The following NAV1 variants were observed in gnomAD, a reference collection of about 807,000 sequenced individuals.
The protein encoded by NAV1 is neuron navigator 1.
A neutral mutation model predicts 175.2 loss-of-function variants in NAV1; 18 were observed. The observed-to-expected ratio is 0.10, with a 90% CI of 0.07 to 0.15. The LOEUF is 0.15. Ranked by LOEUF, NAV1 falls within the 10% of genes least tolerant of loss-of-function variation. The probability of loss-of-function intolerance (pLI) is 1.00; values close to 1 mark genes in which losing one functional copy is unlikely to be tolerated. For missense variants in NAV1, 1,731 were observed against 2,436.6 expected (o/e 0.71, Z 6.10); for synonymous variants, 897 against 978.7 (o/e 0.92, Z 1.56).
exon 8 of NAV1, chr1:201,785,325 G>C (rs1459276446): frequency 6.2e-7 from 1 of 1,606,566 alleles, no homozygotes; most frequent in South Asian, 1.1e-5. Flanking sequence ...AGCGGGATCG[G>C]AACACTCTTC....
intron 1 of NAV1, among the ~76,000 whole-genome samples, chr1:201,678,931 C>T (rs1670363192): frequency 6.6e-6 from 1 of 152,148 alleles, no homozygotes; most frequent in Non-Finnish European, 1.5e-5. Context: ...CCTCCATCTG[C>T]TTCCAGCTGG....
At chr1:201,800,923 G>A (rs945994073) in intron 15 of NAV1, among the ~76,000 whole-genome samples, 2 of 148,338 alleles carry the variant, frequency 1.3e-5, no homozygotes, top group Non-Finnish European at 3.0e-5. Context: ...CCACCTCCTG[G>A]GTTCAAGCGA....
At chr1:201,747,397 G>C (rs1673839087) in intron 3 of NAV1, among the ~76,000 whole-genome samples, 1 of 152,184 alleles carries the variant, frequency 6.6e-6, no homozygotes, top group Non-Finnish European at 1.5e-5. Context: ...TTTAAAAATA[G>C]GTTTTTAACA....
chr1:201,716,460 C>T (rs1209392206), intron 2 of NAV1, among the ~76,000 whole-genome samples: 1 of 152,248 alleles, frequency 6.6e-6, no homozygotes, highest in African/African-American at 2.4e-5. Context: ...ACCATCACTA[C>T]AGTCTCTGGC....
At chr1:201,576,670 C>A (rs1397199571) in intron 1 of NAV1, among the ~76,000 whole-genome samples, 1 of 152,102 alleles carries the variant, frequency 6.6e-6, no homozygotes, top group African/African-American at 2.4e-5. Flanking sequence ...TGTTGGGTCA[C>A]GTGTTAGTTG....
chr1:201,686,136 G>A (rs975917266), intron 1 of NAV1, among the ~76,000 whole-genome samples: 2 of 152,110 alleles, frequency 1.3e-5, no homozygotes, highest in African/African-American at 4.8e-5. Flanking sequence ...CAGCTGCCTG[G>A]CCCTTCTAGA....
At chr1:201,794,371 C>T (rs567185) in intron 14 of NAV1, 95 bp from the exon 19 acceptor site, 693,480 of 1,124,554 alleles carry the variant, frequency 0.62, 221,181 homozygotes, top group South Asian at 0.66. Flanking sequence ...GAACTCCTGA[C>T]CTCAGGTGAT....
At chr1:201,753,168 A>G (rs1674238853) in intron 3 of NAV1, among the ~76,000 whole-genome samples, 1 of 152,190 alleles carries the variant, frequency 6.6e-6, no homozygotes, top group Non-Finnish European at 1.5e-5. Flanking sequence ...ATATCTTAGA[A>G]GTGGCTTTTC....
chr1:201,759,729 A>G (rs1251224128), intron 3 of NAV1, among the ~76,000 whole-genome samples: 1 of 152,224 alleles, frequency 6.6e-6, no homozygotes, highest in African/African-American at 2.4e-5. Context: ...TTCTACATGG[A>G]TTGCTTTGCT....
chr1:201,569,384 C>T (rs1017279602), intron 1 of NAV1, among the ~76,000 whole-genome samples: 4 of 152,156 alleles, frequency 2.6e-5, no homozygotes, highest in East Asian at 1.9e-4. Flanking sequence ...TTTTAATGTC[C>T]GAAATTAACA....
chr1:201,669,742 C>T (rs899421355), intron 1 of NAV1, among the ~76,000 whole-genome samples: 1 of 152,112 alleles, frequency 6.6e-6, no homozygotes, highest in Non-Finnish European at 1.5e-5. Context: ...AGGGAAACAT[C>T]ATTGCAGATG....
chr1:201,573,966 G>A (rs1318669365), intron 1 of NAV1, among the ~76,000 whole-genome samples: 1 of 152,054 alleles, frequency 6.6e-6, no homozygotes, highest in African/African-American at 2.4e-5. Flanking sequence ...TGAGGTGGGA[G>A]GATCGCTTGA....
chr1:201,777,816 T>C (rs887448051), intron 3 of NAV1, among the ~76,000 whole-genome samples: 4 of 152,006 alleles, frequency 2.6e-5, no homozygotes, highest in Non-Finnish European at 4.4e-5. Flanking sequence ...ATACCTGTAA[T>C]CCCAGCTACT....
At chr1:201,549,114 T>TCTTTCTTC (rs1665761694) in intron 1 of NAV1, among the ~76,000 whole-genome samples, 1 of 150,360 alleles carries the variant, frequency 6.7e-6, no homozygotes, top group South Asian at 2.1e-4. Flanking sequence ...TTTCTTTCTT[T>TCTTTCTTC]CTTTCTTTCT....
At chr1:201,729,822 C>T (rs901389355) in intron 3 of NAV1, among the ~76,000 whole-genome samples, 1 of 152,128 alleles carries the variant, frequency 6.6e-6, no homozygotes, top group Admixed American at 6.5e-5. Context: ...AGGAGAATGG[C>T]GTGAACCCGG....
At position 201,794,017 on chromosome 1, in the gene NAV1, C is replaced by T. The variant is rs536020697; in HGVS notation, c.3405+142C>T. ...CTGTCACCCTGGATTCTCAATCTGC[C>T]CCCCAATACAGTGTGAGCATATTCC... is the stretch of plus-strand genomic sequence containing the variant. On this transcript the variant is annotated intron_variant, in intron 14 of 29. Coordinates refer to ENST00000367296, the Ensembl canonical transcript of NAV1. The T allele has an allele frequency of 1.9e-4, 140 of 736,712 alleles. 1 individual carries two copies. In the South Asian group the frequency reaches 2.0e-3, roughly 11 times the overall value. The allele number at this position is 736,712 out of a possible 1,614,324, so 45.6% of individuals were successfully genotyped here. A position where few individuals can be genotyped will look rare whatever the true frequency, so the allele number is the denominator to read the frequency against.
chr1:201,708,906 T>G (rs1671781214), intron 1 of NAV1, among the ~76,000 whole-genome samples: 1 of 151,962 alleles, frequency 6.6e-6, no homozygotes, highest in Non-Finnish European at 1.5e-5. Context: ...CCCAGCACTT[T>G]GGGGGGCTGA....
rs559342121 is a variant in NAV1, at chr1:201,772,677, C to T, written c.1227-7744C>T. Reference sequence around the variant, plus strand: ...CACCTTTCTCCATCCTTGGGTTATACGCTCATTCTGGATAGCCACTTATTT... The same window carrying T: ...CACCTTTCTCCATCCTTGGGTTATATGCTCATTCTGGATAGCCACTTATTT... On this transcript the variant is annotated intron_variant, in intron 3 of 29. Coordinates refer to ENST00000367296, the Ensembl canonical transcript of NAV1. Among the ~76,000 whole-genome samples the T allele has an allele frequency of 1.1e-4, 17 of 152,256 alleles. No individual in the cohort carries two copies. In the East Asian group the frequency reaches 2.3e-3, roughly 21 times the overall value.
intron 3 of NAV1, among the ~76,000 whole-genome samples, chr1:201,772,303 A>G (rs1675638227): frequency 6.6e-6 from 1 of 152,246 alleles, no homozygotes; most frequent in Non-Finnish European, 1.5e-5. Context: ...ATATGAACAG[A>G]TAGGGCTTAT....
Sources: allele counts gnomAD v4.1 joint callset (sites outside exome capture counted in the v4.1 genomes callset), GRCh38; gene constraint gnomAD v4.1.1; transcripts MANE v1.5; gene names NCBI Gene and HGNC (gene_info 2026-07-23, HGNC 2026-07-21).